Variants in FRMD3 observed in about 807,000 individuals in gnomAD.
FRMD3 encodes FERM domain containing 3, also known as FERM domain-containing protein 3.
Under a neutral mutation model 70.2 loss-of-function variants are expected in FRMD3, and 33 were observed. That is an observed-to-expected ratio of 0.47 (90% CI 0.36 to 0.63). The LOEUF (loss-of-function observed/expected upper bound fraction) is 0.63. Among genes scored for constraint, FRMD3 ranks in the 20% least tolerant of loss-of-function variants. The probability of loss-of-function intolerance (pLI) is 0.00; values close to 1 mark genes in which losing one functional copy is unlikely to be tolerated. For synonymous variants in FRMD3, 279 were observed against 255.9 expected (o/e 1.09, Z -0.86); for missense variants, 632 against 711.4 (o/e 0.89, Z 1.27).
the FRMD3 span, among the ~76,000 whole-genome samples, chr9:83,575,035 G>T: frequency 1.7e-4 from 26 of 152,158 alleles, no homozygotes; most frequent in African/African-American, 6.0e-4. Flanking sequence ...ACTGAAGCTC[G>T]CCACTGACTG....
chr9:83,257,611 G>A (rs372923939), intron 13 of FRMD3, among the ~76,000 whole-genome samples: 1 of 151,818 alleles, frequency 6.6e-6, no homozygotes, highest in Admixed American at 6.6e-5. Flanking sequence ...TTTTCTGGTT[G>A]CTAATTCTGT....
intron 1 of FRMD3, among the ~76,000 whole-genome samples, chr9:83,441,328 C>T (rs1388371277): frequency 6.6e-6 from 1 of 152,158 alleles, no homozygotes; most frequent in East Asian, 1.9e-4. Flanking sequence ...TCCGACTGAA[C>T]GGATCCCAAG....
At chr9:83,349,029 C>T (rs185055008) in intron 4 of FRMD3, among the ~76,000 whole-genome samples, 2 of 152,336 alleles carry the variant, frequency 1.3e-5, no homozygotes, top group Admixed American at 1.3e-4. Flanking sequence ...AAGCCAGAGC[C>T]TCATCTAGAG....
At chr9:83,551,533 T>C in the FRMD3 span, among the ~76,000 whole-genome samples, 2 of 152,170 alleles carry the variant, frequency 1.3e-5, no homozygotes, top group Non-Finnish European at 2.9e-5. Flanking sequence ...TTTTTTGGAA[T>C]AGTTTCTGTA....
At chr9:83,426,508 C>T (rs567556492) in intron 1 of FRMD3, among the ~76,000 whole-genome samples, 5 of 152,356 alleles carry the variant, frequency 3.3e-5, no homozygotes, top group African/African-American at 1.2e-4. Context: ...TCTGTGTCAT[C>T]GTGTCTTTTG....
intron 13 of FRMD3, among the ~76,000 whole-genome samples, chr9:83,259,229 C>T (rs1024252824): frequency 6.6e-6 from 1 of 152,128 alleles, no homozygotes; most frequent in Non-Finnish European, 1.5e-5. Context: ...AGATGGAACA[C>T]CTATTTATAA....
intron 13 of FRMD3, among the ~76,000 whole-genome samples, chr9:83,278,804 G>A (rs1354373993): frequency 6.6e-6 from 1 of 152,172 alleles, no homozygotes; most frequent in African/African-American, 2.4e-5. Flanking sequence ...GCGGGGACCA[G>A]GGCAGGGACT....
Position 83,415,055 on chromosome 9 carries a change from T to C in FRMD3, c.148-25347A>G, listed in dbSNP as rs1005411221. On this transcript the variant is annotated intron_variant, in intron 1 of 13. Transcript: ENST00000304195. ...GGGATGGGGGCAGTACTGGAACCCA[T>C]TGGAGAGGGTCAGGCAGAGAAGCTA... is the stretch of plus-strand genomic sequence containing the variant. Among the ~76,000 whole-genome samples, 43 of 152,200 alleles carry C rather than the reference T, an allele frequency of 2.8e-4. 1 individual carries two copies. The highest frequency in any genetic ancestry group is 8.9e-4 in the African/African-American group (37 of 41,542).
chr9:83,331,437 G>A (rs1422142247), intron 6 of FRMD3, among the ~76,000 whole-genome samples: 2 of 152,158 alleles, frequency 1.3e-5, no homozygotes, highest in African/African-American at 2.4e-5. Flanking sequence ...GGTTGCCAGG[G>A]GTTAGGGGAG....
intron 13 of FRMD3, among the ~76,000 whole-genome samples, chr9:83,250,160 G>C (rs908268308): frequency 6.6e-6 from 1 of 152,096 alleles, no homozygotes; most frequent in East Asian, 1.9e-4. Flanking sequence ...GCAGAAGAGG[G>C]GGTGATGGCC....
chr9:83,361,536 CAG>C (rs762911114), intron 3 of FRMD3, among the ~76,000 whole-genome samples: 3 of 152,070 alleles, frequency 2.0e-5, no homozygotes, highest in Admixed American at 6.5e-5. Flanking sequence ...GTCAGCAAAA[CAG>C]AACAACATAC....
intron 2 of FRMD3, among the ~76,000 whole-genome samples, chr9:83,385,239 T>TTC (rs1368740962): frequency 6.6e-6 from 1 of 152,204 alleles, no homozygotes; most frequent in Non-Finnish European, 1.5e-5. Flanking sequence ...CTAGAATTAC[T>TTC]TCTAGACTTA....
At chr9:83,386,104 GGTA>G (rs1410806424) in intron 2 of FRMD3, among the ~76,000 whole-genome samples, 4 of 152,088 alleles carry the variant, frequency 2.6e-5, no homozygotes, top group Non-Finnish European at 4.4e-5. Context: ...CCTACAGGTT[GGTA>G]TTGTTATTTG....
rs1487453281 is a variant in FRMD3, at chr9:83,415,428, C to T, written c.148-25720G>A. On this transcript the variant is annotated intron_variant, in intron 1 of 13. Transcript: ENST00000304195. ...ACCAGTAAAACTATGTTCCTGAGAC[C>T]GAGAAAGGAAATTCTTTTTTTTTTT... Among the ~76,000 whole-genome samples, 6 of 150,082 alleles carry T rather than the reference C, an allele frequency of 4.0e-5. No homozygotes were observed. The South Asian group carries it at 1.1e-3, about 26-fold the overall frequency.
intron 8 of FRMD3, among the ~76,000 whole-genome samples, chr9:83,311,154 G>C (rs13295597): frequency 0.13 from 20,367 of 152,140 alleles, 1,557 homozygotes; most frequent in Middle Eastern, 0.19. Flanking sequence ...TGTTTGAAAA[G>C]GAGACACATG....
At chr9:83,560,408 C>T in the FRMD3 span, among the ~76,000 whole-genome samples, 6 of 152,138 alleles carry the variant, frequency 3.9e-5, no homozygotes, top group African/African-American at 1.4e-4. Flanking sequence ...TCAGCCGGGG[C>T]CCCAGAACAA....
chr9:83,456,068 G>A (rs1827808846), intron 1 of FRMD3, among the ~76,000 whole-genome samples: 2 of 152,182 alleles, frequency 1.3e-5, no homozygotes, highest in African/African-American at 2.4e-5. Context: ...CCACCCAGTA[G>A]TAACCTGCCC....
chr9:83,307,711 T>C (rs1404902249), intron 10 of FRMD3, among the ~76,000 whole-genome samples: 2 of 152,226 alleles, frequency 1.3e-5, no homozygotes, highest in Non-Finnish European at 2.9e-5. Flanking sequence ...GATAAAAATA[T>C]TCTGGAATTA....
rs767282015 is a variant in FRMD3 at position 83,309,638 on chromosome 9, A to T, written c.838-14T>A. 6 of 1,546,224 alleles carry T rather than the reference A, an allele frequency of 3.9e-6. No homozygotes were observed. ...CATGGCTTTTTTCTAATTAAAAAAT[A>T]ACAAAACAAGAAAAGGCACGTAAAA... On this transcript the variant is annotated splice_polypyrimidine_tract_variant and intron_variant, in intron 9 of 13. Coordinates refer to ENST00000304195, the MANE Select transcript of FRMD3 (RefSeq NM_174938.6).
Sources: allele counts gnomAD v4.1 joint callset (sites outside exome capture counted in the v4.1 genomes callset), GRCh38; gene constraint gnomAD v4.1.1; transcripts MANE v1.5; gene names NCBI Gene and HGNC (gene_info 2026-07-23, HGNC 2026-07-21).